Variants in FAT3 observed in about 807,000 individuals in gnomAD.
FAT3 encodes FAT atypical cadherin 3, also known as protocadherin Fat 3.
FAT3 carries 95 observed loss-of-function variants against 310.2 expected under a neutral mutation model. The observed-to-expected ratio is 0.31, with a 90% CI of 0.26 to 0.36. The LOEUF (loss-of-function observed/expected upper bound fraction) is 0.36, where lower values mean the gene tolerates loss of function less well. FAT3 is among the 10% of genes least tolerant of loss of function. FAT3 has a pLI of 1.00. For missense variants in FAT3, 5,408 were observed against 5,715.6 expected (o/e 0.95, Z 1.74); for synonymous variants, 2,314 against 2,192.9 (o/e 1.06, Z -1.54).
chr11:92,679,781 G>T (rs982004253), intron 3 of FAT3, among the ~76,000 whole-genome samples: 8 of 140,564 alleles, frequency 5.7e-5, no homozygotes, highest in Non-Finnish European at 9.0e-5. Context: ...GGCGGAGTTT[G>T]CAGTGAGCCG....
intron 7 of FAT3, among the ~76,000 whole-genome samples, chr11:92,781,239 C>T (rs891346594): frequency 7.3e-5 from 11 of 151,666 alleles, no homozygotes; most frequent in Admixed American, 6.6e-5. Context: ...CATGCCACCA[C>T]GCCCGGCTAG....
At position 92,697,403 on chromosome 11, in the gene FAT3, A is replaced by C. The variant is rs1282280963; in HGVS notation, c.3627A>C (p.Ser1209=). 5 of 1,613,772 alleles carry C rather than the reference A, an allele frequency of 3.1e-6. No individual in the cohort carries two copies. In the Admixed American group the frequency reaches 8.3e-5, roughly 27 times the overall value. Residue 1209 remains serine (S), a synonymous_variant, in exon 4 of 28, where the codon TCA becomes TCC. Transcript: ENST00000525166. ...NIKTGLITTT[S]RKLDREQQAE... ...ACACAGGTCTGATTACAACAACTTCAAGGAAATTGGATCGAGAACAGCAGG... is the reference window on the plus strand; with the variant it reads ...ACACAGGTCTGATTACAACAACTTCCAGGAAATTGGATCGAGAACAGCAGG...
In FAT3 at chr11:92,801,886, G is replaced by T; in HGVS notation, c.8873G>T (p.Arg2958Leu). ...GACAGAGACACATCCGACGTTAATC[G>T]CCAAGTGAGCTACCATATTACAGGT... ...TWDRDTSDVN[R>L]QVSYHITGGN... Residue 2958 changes from arginine (R) to leucine (L), a missense_variant, in exon 10 of 28, where the codon CGC (arginine) becomes CTC (leucine). Around this residue, in one of 5 missense-constraint regions of FAT3, gnomAD observed 4,588 missense variants for 4,809.8 expected, o/e 0.95. Transcript: ENST00000525166. The T allele has an allele frequency of 1.2e-6, 2 of 1,613,700 alleles. No homozygotes were observed. Among genetic ancestry groups the T allele is most frequent in the East Asian group, 2.2e-5 (1 of 44,862 alleles).
rs139091764 is a variant in FAT3 at position 92,272,696 on chromosome 11, A to G, written c.-18+47522A>G. Among the ~76,000 whole-genome samples, 414 of 152,108 alleles carry G rather than the reference A, an allele frequency of 2.7e-3. 3 individuals are homozygous for G. Among genetic ancestry groups the G allele is most frequent in the African/African-American group, 9.6e-3 (397 of 41,520 alleles). On this transcript the variant is annotated intron_variant, in intron 1 of 27. Transcript: ENST00000525166. ...AGAACATGGGGTGTGGGGTGTGACA[A>G]CCTGGGGAAAATGTGCCCCAAATGA...
At chr11:92,445,669 A>G (rs950832101) in intron 2 of FAT3, among the ~76,000 whole-genome samples, 2 of 152,164 alleles carry the variant, frequency 1.3e-5, no homozygotes, top group Non-Finnish European at 2.9e-5. Flanking sequence ...ATATGAGTGT[A>G]TATATGTGTG....
chr11:92,534,364 G>T (rs1265069735), intron 3 of FAT3, among the ~76,000 whole-genome samples: 3 of 152,120 alleles, frequency 2.0e-5, no homozygotes, highest in Non-Finnish European at 4.4e-5. Flanking sequence ...AGCTAGGATT[G>T]GTCTGATTGA....
chr11:92,795,309 T>C (rs550644555), intron 9 of FAT3, among the ~76,000 whole-genome samples: 1 of 152,118 alleles, frequency 6.6e-6, no homozygotes, highest in Admixed American at 6.5e-5. Context: ...ATTCAACAAA[T>C]ATTAAGCAAC....
intron 2 of FAT3, among the ~76,000 whole-genome samples, chr11:92,486,624 A>G (rs1041400321): frequency 8.5e-5 from 13 of 152,126 alleles, no homozygotes; most frequent in Admixed American, 8.5e-4. Context: ...CCGTATCTCC[A>G]GAATTAGTTA....
chr11:92,264,962 T>G (rs1187459323), intron 1 of FAT3, among the ~76,000 whole-genome samples: 1 of 151,822 alleles, frequency 6.6e-6, no homozygotes, highest in Non-Finnish European at 1.5e-5. Context: ...ACCTTTAAGA[T>G]CATAAGGACT....
rs143374343 is a variant in FAT3 at position 92,373,035 on chromosome 11, C to T, written c.3292+17631C>T. Among the ~76,000 whole-genome samples the T allele has an allele frequency of 1.8e-3, 279 of 152,102 alleles. 1 individual carries two copies. Among genetic ancestry groups the T allele is most frequent in the African/African-American group, 6.4e-3 (266 of 41,510 alleles). Reference sequence around the variant, plus strand: ...TCAGAGTGCTATTTTATGGAATGTACGTGTATGAATTCATGAGCTGGAAAT... The same window carrying T: ...TCAGAGTGCTATTTTATGGAATGTATGTGTATGAATTCATGAGCTGGAAAT... On this transcript the variant is annotated intron_variant, in intron 2 of 27. Transcript: ENST00000525166.
At chr11:92,681,139 GACAATGCAT>G (rs1389345436) in intron 3 of FAT3, among the ~76,000 whole-genome samples, 1 of 152,216 alleles carries the variant, frequency 6.6e-6, no homozygotes, top group African/African-American at 2.4e-5. Context: ...CCATGTATAT[GACAATGCAT>G]ACAAAAGATC....
chr11:92,563,243 C>A (rs1185630532), intron 3 of FAT3, among the ~76,000 whole-genome samples: 1 of 134,886 alleles, frequency 7.4e-6, no homozygotes, highest in African/African-American at 2.6e-5. Flanking sequence ...AAAAATAATT[C>A]TCTGTGCATA....
intron 1 of FAT3, among the ~76,000 whole-genome samples, chr11:92,308,100 C>T (rs1214632245): frequency 6.6e-6 from 1 of 152,054 alleles, no homozygotes; most frequent in Non-Finnish European, 1.5e-5. Flanking sequence ...AAACATGGCA[C>T]TCACTTTGAA....
chr11:92,840,770 G>A lies in FAT3; in HGVS notation c.10566+11G>A, dbSNP rs140638105. On this transcript the variant is annotated intron_variant, in intron 18 of 27. Coordinates refer to ENST00000525166, the MANE Select transcript of FAT3 (RefSeq NM_001367949.2). ...GTGTTGTGTGTCCAGGTATGGCATCGCACTCTGTCTCCGTCGTGCTGTCTT... is the reference window on the plus strand; with the variant it reads ...GTGTTGTGTGTCCAGGTATGGCATCACACTCTGTCTCCGTCGTGCTGTCTT... The A allele has an allele frequency of 3.4e-4, 533 of 1,545,130 alleles. 1 individual carries two copies. Among genetic ancestry groups the A allele is most frequent in the Non-Finnish European group, 4.1e-4 (466 of 1,132,936 alleles).
intron 6 of FAT3, among the ~76,000 whole-genome samples, chr11:92,767,746 C>A (rs1946351401): frequency 6.6e-6 from 1 of 152,140 alleles, no homozygotes; most frequent in Admixed American, 6.5e-5. Flanking sequence ...CTTATCCTGT[C>A]TCCACTCTTA....
At chr11:92,705,029 A>G (rs1419098569) in intron 4 of FAT3, among the ~76,000 whole-genome samples, 1 of 152,162 alleles carries the variant, frequency 6.6e-6, no homozygotes, top group Non-Finnish European at 1.5e-5. Context: ...TGTGGCATAC[A>G]TGGGTTCCTA....
Position 92,836,661 on chromosome 11 carries a change from C to T in FAT3, c.10182C>T (p.Val3394=). 1 of 1,613,550 alleles carries T rather than the reference C, an allele frequency of 6.2e-7. No individual in the cohort carries two copies. Among genetic ancestry groups the T allele is most frequent in the Non-Finnish European group, 8.5e-7 (1 of 1,179,690 alleles). Residue 3394 remains valine (V), a synonymous_variant, in exon 16 of 28, where the codon GTC becomes GTT. Transcript: ENST00000525166. Reference sequence around the variant, plus strand: ...ACAATGAATTTACTGTAGATCCTGTCTTGGGACTTGTGAAAGTTAAGAAGA... The same window carrying T: ...ACAATGAATTTACTGTAGATCCTGTTTTGGGACTTGTGAAAGTTAAGAAGA... ...DRDNEFTVDP[V]LGLVKVKKKL...
rs377562864 is a variant in FAT3, at chr11:92,548,800, A to G, written c.3607+23852A>G. ...GAGAGAGGGGGTATTTTCCTTACTA[A>G]GTGAAAAACATATTTTAAATGTAAT... On this transcript the variant is annotated intron_variant, in intron 3 of 27. Transcript: ENST00000525166. 2.6e-5 allele frequency among the ~76,000 whole-genome samples: 4 copies of G among 152,262 alleles called. No individual in the cohort carries two copies. The East Asian group carries it at 5.8e-4, about 22-fold the overall frequency.
chr11:92,613,680 C>T (rs1332738345), intron 3 of FAT3, among the ~76,000 whole-genome samples: 3 of 152,136 alleles, frequency 2.0e-5, no homozygotes, highest in Non-Finnish European at 4.4e-5. Flanking sequence ...TAAGAGCTCT[C>T]CTCATCACGG....
Sources: gnomAD v4.1 joint callset for allele counts (sites outside exome capture counted in the v4.1 genomes callset) on GRCh38, gnomAD v4.1.1 for gene constraint, gnomAD v4.1.1 regional missense constraint, MANE v1.5 for transcripts, NCBI Gene and HGNC (gene_info 2026-07-23, HGNC 2026-07-21) for gene names.